The following PLEKHA6 variants were observed in gnomAD, a reference collection of about 807,000 sequenced individuals.
PLEKHA6 encodes the protein pleckstrin homology domain containing A6.
PLEKHA6 carries 60 observed loss-of-function variants against 116.7 expected under a neutral mutation model. The observed-to-expected ratio is 0.51, with a 90% CI of 0.42 to 0.64. PLEKHA6 has a LOEUF of 0.64. Among genes scored for constraint, PLEKHA6 ranks in the 30% least tolerant of loss-of-function variants. The pLI, the probability that PLEKHA6 is intolerant of heterozygous loss-of-function variation, is 0.00. For synonymous variants in PLEKHA6, 489 were observed against 556.1 expected (o/e 0.88, Z 1.70); for missense variants, 1,338 against 1,422.7 (o/e 0.94, Z 0.96).
In PLEKHA6 at chr1:204,282,343, G is replaced by T. The variant is rs148243660; in HGVS notation, c.-94-7534C>A. 2.0e-3 allele frequency among the ~76,000 whole-genome samples: 308 copies of T among 152,256 alleles called. 1 individual carries two copies. Among genetic ancestry groups the T allele is most frequent in the African/African-American group, 6.3e-3 (262 of 41,546 alleles). On this transcript the variant is annotated intron_variant, in intron 1 of 22. Coordinates refer to ENST00000272203, the MANE Select transcript of PLEKHA6 (RefSeq NM_014935.5). Reference sequence around the variant, plus strand: ...TTTAAACTGGTTGTTTTACTTTAGGGAATTCCATCTGTCTGCTGAAAAATG... The same window carrying T: ...TTTAAACTGGTTGTTTTACTTTAGGTAATTCCATCTGTCTGCTGAAAAATG...
upstream of PLEKHA6, among the ~76,000 whole-genome samples, chr1:204,364,129 A>C (rs763134391): frequency 6.6e-6 from 1 of 152,216 alleles, no homozygotes. Context: ...ACTAAAAGAA[A>C]CAAAATAACT....
chr1:204,243,958 C>T (rs374127108), intron 15 of PLEKHA6, among the ~76,000 whole-genome samples: 139 of 152,116 alleles, frequency 9.1e-4, no homozygotes, highest in South Asian at 4.4e-3. Context: ...GTAGCTGGGA[C>T]TACAGGCACC....
At chr1:204,331,926 C>T (rs1300756968) in intron 1 of PLEKHA6, among the ~76,000 whole-genome samples, 1 of 151,942 alleles carries the variant, frequency 6.6e-6, no homozygotes, top group Non-Finnish European at 1.5e-5. Context: ...GCCCACTTTG[C>T]TCAGAGGGAG....
Position 204,257,958 on chromosome 1 carries a change from A to G in PLEKHA6, c.1008-89T>C. 8.0e-7 allele frequency: 1 copy of G among 1,242,600 alleles called. No homozygotes were observed. Among genetic ancestry groups the G allele is most frequent in the Non-Finnish European group, 1.1e-6 (1 of 887,932 alleles). The allele number at this position is 1,242,600 out of a possible 1,614,324, so 77.0% of individuals were successfully genotyped here. A position where few individuals can be genotyped will look rare whatever the true frequency, so the allele number is the denominator to read the frequency against. ...CCCACCTCCAGGTCCCCCAGCCTAGAGCAGGGTGCTTGAATAGGTACACAG... is the reference window on the plus strand; with the variant it reads ...CCCACCTCCAGGTCCCCCAGCCTAGGGCAGGGTGCTTGAATAGGTACACAG... On this transcript the variant is annotated intron_variant, in intron 8 of 22. Transcript: ENST00000272203. The surrounding 1 kb of genome is among the most constrained non-coding windows in gnomAD (Gnocchi z 6.5).
In PLEKHA6 at chr1:204,257,587, C is replaced by G. The variant is rs1199351787; in HGVS notation, c.1290G>C (p.Gln430His). The G allele has an allele frequency of 6.2e-7, 1 of 1,608,504 alleles. No individual in the cohort carries two copies. The highest frequency in any genetic ancestry group is 8.5e-7 in the Non-Finnish European group (1 of 1,177,486). ...CATCCAGCTCATCATAATAGACTGG[C>G]TGCCGGGAGGGGCTTGGGATCCAGA... is the stretch of plus-strand genomic sequence containing the variant. ...ATVWIPSPSR[Q>H]PVYYDELDAA... The change falls in exon 9 of 23, where the codon CAG becomes CAC. Residue 430 changes from glutamine (Q) to histidine (H), a missense_variant. Coordinates refer to ENST00000272203, the MANE Select transcript of PLEKHA6 (RefSeq NM_014935.5). This position sits in a 1 kb window ranked among gnomAD's most constrained non-coding sequence, Gnocchi z 6.5.
Position 204,228,125 on chromosome 1 carries a change from C to T in PLEKHA6, c.2989G>A (p.Ala997Thr), listed in dbSNP as rs761758129. 3.4e-5 allele frequency: 55 copies of T among 1,612,982 alleles called. 2 individuals carry two copies. The South Asian group carries it at 4.4e-4, about 13-fold the overall frequency. Residue 997 changes from alanine (A) to threonine (T), a missense_variant, in exon 21 of 23, where the codon GCC becomes ACC. Physicochemically the swap from Ala to Thr is moderately conservative, Grantham distance 58. Coordinates refer to ENST00000272203, the MANE Select transcript of PLEKHA6 (RefSeq NM_014935.5). The surrounding 1 kb of genome is among the most constrained non-coding windows in gnomAD (Gnocchi z 4.0). The stretch of plus-strand genomic sequence containing the variant: ...CTGCGGGAGGCCTCGGTCGCCAGGG[C>T]GCAGGAGATTTCAATCCGCTTCTCC... Reference protein sequence around the residue: ...EQEKRIEISCALATEASRRGR... With the variant: ...EQEKRIEISCTLATEASRRGR...
In PLEKHA6 at chr1:204,347,092, C is replaced by T. The variant is rs143346216; in HGVS notation, c.-95+12602G>A. ...GACTCTTCCAGTTTTGCCGTGGTAACGCGTGTGGGGCATTCCTTTTTGAAC... is the reference window on the plus strand; with the variant it reads ...GACTCTTCCAGTTTTGCCGTGGTAATGCGTGTGGGGCATTCCTTTTTGAAC... On this transcript the variant is annotated intron_variant, in intron 1 of 22. Coordinates refer to ENST00000272203, the MANE Select transcript of PLEKHA6 (RefSeq NM_014935.5). The T allele has an allele frequency of 1.5e-4, 201 of 1,301,790 alleles. 1 individual carries two copies. In the East Asian group the frequency reaches 2.1e-3, roughly 14 times the overall value. 80.6% of individuals were successfully genotyped at this position (1,301,790 alleles called of 1,614,324 possible).
At chr1:204,287,233 T>C (rs867636670) in intron 1 of PLEKHA6, among the ~76,000 whole-genome samples, 19 of 144,654 alleles carry the variant, frequency 1.3e-4, no homozygotes, top group Middle Eastern at 7.5e-3. Flanking sequence ...ACAGTCTCCC[T>C]CTTTTTTTTT....
At chr1:204,262,991 C>T (rs544850914) in intron 6 of PLEKHA6, among the ~76,000 whole-genome samples, 11 of 146,042 alleles carry the variant, frequency 7.5e-5, no homozygotes, top group East Asian at 4.5e-4. Context: ...TGGGTGGGAG[C>T]GGGCAGCAAA....
chr1:204,250,504 G>A, intron 10 of PLEKHA6, 42 bp downstream of exon 10: 1 of 1,392,638 alleles, frequency 7.2e-7, no homozygotes, highest in Non-Finnish European at 1.0e-6. Flanking sequence ...ACAGCAGCAG[G>A]AGGCTGGAGT....
Position 204,259,650 on chromosome 1 carries a change from G to A in PLEKHA6, c.615C>T (p.Ala205=). The part of the protein sequence containing the change: ...HNSLPKPEPE[A]KTRGEGDGRG... ...GGCCATCACCCTCCCCTCGAGTCTTGGCCTCTGGCTCAGGCTTAGGGAGGC... is the reference window on the plus strand; with the variant it reads ...GGCCATCACCCTCCCCTCGAGTCTTAGCCTCTGGCTCAGGCTTAGGGAGGC... The change falls in exon 8 of 23, where the codon GCC becomes GCT. Residue 205 remains alanine, a synonymous_variant. Transcript: ENST00000272203. The surrounding 1 kb of genome is among the most constrained non-coding windows in gnomAD (Gnocchi z 4.6). 1.9e-6 allele frequency: 3 copies of A among 1,614,118 alleles called. No individual in the cohort carries two copies. Among genetic ancestry groups the A allele is most frequent in the Non-Finnish European group, 2.5e-6 (3 of 1,180,034 alleles).
chr1:204,274,258 C>A (rs958286733), intron 2 of PLEKHA6, among the ~76,000 whole-genome samples: 7 of 152,120 alleles, frequency 4.6e-5, no homozygotes, highest in Non-Finnish European at 8.8e-5. Context: ...AAAATCTAGA[C>A]CCTGGGGATC....
chr1:204,313,444 G>A (rs1434571391), intron 1 of PLEKHA6: 22 of 399,618 alleles, frequency 5.5e-5, no homozygotes, highest in South Asian at 1.0e-4. Context: ...ATCTGGCCTC[G>A]GGGACTCCCT....
Position 204,259,362 on chromosome 1 carries a change from T to C in PLEKHA6, c.903A>G (p.Pro301=). The stretch of plus-strand genomic sequence containing the variant: ...GGGCAATTTTGTCAGGGTTGGTGCG[T>C]GGTGGGAAACTCCGCCGGTGTCCCC... The part of the protein sequence containing the change: ...ETGGHRRSFP[P]RTNPDKIAQR... Residue 301 remains proline (P), a synonymous_variant, in exon 8 of 23, where the codon CCA becomes CCG. Coordinates refer to ENST00000272203, the MANE Select transcript of PLEKHA6 (RefSeq NM_014935.5). This position sits in a 1 kb window ranked among gnomAD's most constrained non-coding sequence, Gnocchi z 4.6. The C allele has an allele frequency of 6.2e-7, 1 of 1,614,212 alleles. No homozygotes were observed. Among genetic ancestry groups the C allele is most frequent in the African/African-American group, 1.3e-5 (1 of 75,056 alleles).
chr1:204,247,809 G>A (rs1387866229), intron 12 of PLEKHA6, among the ~76,000 whole-genome samples: 4 of 152,126 alleles, frequency 2.6e-5, no homozygotes, highest in Non-Finnish European at 4.4e-5. Flanking sequence ...ACAAAAGTTA[G>A]CTGGGCATGG....
chr1:204,316,743 C>T (rs1671874084), intron 1 of PLEKHA6, among the ~76,000 whole-genome samples: 1 of 152,246 alleles, frequency 6.6e-6, no homozygotes, highest in Admixed American at 6.5e-5. Flanking sequence ...AGGTATCAAA[C>T]TTACCTATTT....
chr1:204,325,994 C>T (rs1672229806), intron 1 of PLEKHA6: 3 of 678,662 alleles, frequency 4.4e-6, no homozygotes, highest in South Asian at 1.3e-4. Context: ...AAGCCCCATT[C>T]CTCACCCTGC....
At chr1:204,309,058 T>TC in intron 1 of PLEKHA6, 1 of 976,330 alleles carries the variant, frequency 1.0e-6, no homozygotes, top group Non-Finnish European at 1.2e-6. Flanking sequence ...TGTTTCTCAT[T>TC]CATTGTCTTT....
intron 1 of PLEKHA6, among the ~76,000 whole-genome samples, chr1:204,321,041 A>T (rs564474465): frequency 6.6e-6 from 1 of 152,130 alleles, no homozygotes. Context: ...GCTCAATCAC[A>T]CTAGGCTCTT....
Sources: gnomAD v4.1 joint callset for allele counts (sites outside exome capture counted in the v4.1 genomes callset) on GRCh38, gnomAD v4.1.1 for gene constraint, Gnocchi (gnomAD v3.1) non-coding constraint, MANE v1.5 for transcripts, NCBI Gene and HGNC (gene_info 2026-07-23, HGNC 2026-07-21) for gene names.